The following MGAT4C variants were observed in gnomAD, a reference collection of about 807,000 sequenced individuals.
MGAT4C encodes alpha-1,3-mannosyl-glycoprotein 4-beta-N-acetylglucosaminyltransferase C.
In MGAT4C, 19 loss-of-function variants were observed where a neutral mutation model predicts 40.1. The observed-to-expected ratio is 0.47, with a 90% CI of 0.33 to 0.70. The LOEUF is 0.70. Among genes scored for constraint, MGAT4C ranks in the 30% least tolerant of loss-of-function variants. The probability of loss-of-function intolerance (pLI) is 0.02; values close to 1 mark genes in which losing one functional copy is unlikely to be tolerated. For missense variants in MGAT4C, 491 were observed against 563.2 expected, an observed-to-expected ratio of 0.87 and a Z score of 1.30; for synonymous variants, 181 against 187.1, an observed-to-expected ratio of 0.97 and a Z score of 0.27.
At chr12:86,058,926 T>A (rs1893664375) in intron 1 of MGAT4C, among the ~76,000 whole-genome samples, 1 of 152,206 alleles carries the variant, frequency 6.6e-6, no homozygotes, top group African/African-American at 2.4e-5. Flanking sequence ...ATATGCACAT[T>A]TATTTAGGAA....
chr12:86,051,610 C>G (rs1188885324), intron 1 of MGAT4C, among the ~76,000 whole-genome samples: 1 of 151,148 alleles, frequency 6.6e-6, no homozygotes, highest in East Asian at 1.9e-4. Flanking sequence ...ATTTTGTTAT[C>G]AAATCAAAAT....
At chr12:86,450,687 T>C (rs530145660) in intron 2 of MGAT4C, among the ~76,000 whole-genome samples, 1 of 152,056 alleles carries the variant, frequency 6.6e-6, no homozygotes, top group Non-Finnish European at 1.5e-5. Context: ...TTATGTAACC[T>C]GGTGATCAAG....
chr12:86,194,543 C>T (rs973443677), intron 1 of MGAT4C, among the ~76,000 whole-genome samples: 2 of 151,950 alleles, frequency 1.3e-5, no homozygotes, highest in Admixed American at 6.6e-5. Context: ...CTACCTCCAC[C>T]TCCCAGGTTT....
At position 86,765,683 on chromosome 12, in the gene MGAT4C, C is replaced by G. The variant is rs548870939; in HGVS notation, c.-261-38442G>C. ...AGCGGATCTCTCGGCAGAAACTCTA[C>G]AAGCCAGAAGAGAGTGGGGGCCAAT... is the stretch of plus-strand genomic sequence containing the variant. On this transcript the variant is annotated intron_variant, in intron 1 of 7. Transcript: ENST00000548651. Among the ~76,000 whole-genome samples, 11 of 152,288 alleles carry G rather than the reference C, an allele frequency of 7.2e-5. No individual in the cohort carries two copies. In the East Asian group the frequency reaches 1.2e-3, roughly 16 times the overall value.
chr12:86,531,056 C>T (rs1030043190), intron 2 of MGAT4C, among the ~76,000 whole-genome samples: 19 of 151,980 alleles, frequency 1.3e-4, no homozygotes, highest in African/African-American at 4.6e-4. Context: ...GGGGCATTGG[C>T]CAACTACTCA....
chr12:86,675,918 T>A (rs556850072), intron 2 of MGAT4C, among the ~76,000 whole-genome samples: 1 of 151,770 alleles, frequency 6.6e-6, no homozygotes, highest in Admixed American at 6.6e-5. Flanking sequence ...TCAAATTAGG[T>A]CTTAGTTCTA....
intron 3 of MGAT4C, among the ~76,000 whole-genome samples, chr12:86,385,365 A>T (rs1956031050): frequency 1.3e-5 from 2 of 152,148 alleles, no homozygotes; most frequent in Non-Finnish European, 2.9e-5. Context: ...GTAGCTTTCA[A>T]ATCTACGTAT....
chr12:86,252,328 A>G (rs1952328907), intron 1 of MGAT4C, among the ~76,000 whole-genome samples: 1 of 152,052 alleles, frequency 6.6e-6, no homozygotes, highest in African/African-American at 2.4e-5. Context: ...ACCACAGTAA[A>G]ATATTTTGAG....
intron 1 of MGAT4C, among the ~76,000 whole-genome samples, chr12:86,775,751 T>C (rs1371729864): frequency 4.0e-5 from 6 of 151,718 alleles, no homozygotes; most frequent in Non-Finnish European, 8.8e-5. Context: ...CACAAACTTA[T>C]CATTTGCTAG....
chr12:86,117,391 C>T (rs1878611220), intron 1 of MGAT4C, among the ~76,000 whole-genome samples: 1 of 152,086 alleles, frequency 6.6e-6, no homozygotes, highest in Non-Finnish European at 1.5e-5. Flanking sequence ...AGCACTTTTC[C>T]ATTTCTTATG....
intron 1 of MGAT4C, among the ~76,000 whole-genome samples, chr12:86,165,154 A>G (rs1886049391): frequency 6.6e-6 from 1 of 152,166 alleles, no homozygotes; most frequent in African/African-American, 2.4e-5. Flanking sequence ...GGGGATTTCA[A>G]TGATAACAAC....
intron 1 of MGAT4C, among the ~76,000 whole-genome samples, chr12:86,173,677 G>C (rs1419225052): frequency 6.6e-6 from 1 of 152,020 alleles, no homozygotes; most frequent in African/African-American, 2.4e-5. Context: ...ATTTGATAGG[G>C]AAATATATAG....
At chr12:86,359,255 T>C (rs1417265642) in intron 3 of MGAT4C, among the ~76,000 whole-genome samples, 1 of 152,046 alleles carries the variant, frequency 6.6e-6, no homozygotes, top group Non-Finnish European at 1.5e-5. Flanking sequence ...TGAAGGCAGA[T>C]ATAAACATGT....
chr12:86,663,428 A>G lies in MGAT4C; in HGVS notation c.-229+63781T>C, dbSNP rs185393227. Among the ~76,000 whole-genome samples the G allele has an allele frequency of 3.3e-5, 5 of 152,026 alleles. No homozygotes were observed. The East Asian group carries it at 9.7e-4, about 29-fold the overall frequency. On this transcript the variant is annotated intron_variant, in intron 2 of 7. Coordinates refer to the MGAT4C transcript ENST00000548651. Reference sequence around the variant, plus strand: ...AAAAGTAAAAGAAAGAAAAGAAAGAAAGAAATGAAGGGGAGATGGTAACTC... The same window carrying G: ...AAAAGTAAAAGAAAGAAAAGAAAGAGAGAAATGAAGGGGAGATGGTAACTC...
In MGAT4C at chr12:86,090,481, C is replaced by G. The variant is rs75951609; in HGVS notation, c.-56-40758G>C. Among the ~76,000 whole-genome samples, 913 of 151,706 alleles carry G rather than the reference C, an allele frequency of 6.0e-3. 4 individuals carry two copies. Among genetic ancestry groups the G allele is most frequent in the African/African-American group, 0.021 (869 of 41,454 alleles). ...CATTATGTTGTACCTACTTTTAGCCCTTAAATATGTATGATATATTGGTTG... is the reference window on the plus strand; with the variant it reads ...CATTATGTTGTACCTACTTTTAGCCGTTAAATATGTATGATATATTGGTTG... On this transcript the variant is annotated intron_variant, in intron 1 of 4. Transcript: ENST00000611864.
chr12:86,823,011 T>C (rs1053589094), intron 1 of MGAT4C, among the ~76,000 whole-genome samples: 4 of 150,662 alleles, frequency 2.7e-5, no homozygotes, highest in Admixed American at 2.0e-4. Flanking sequence ...CCCAAATAGG[T>C]AGTAATTGAA....
At chr12:86,345,518 A>G (rs971175407) in intron 3 of MGAT4C, among the ~76,000 whole-genome samples, 3 of 151,696 alleles carry the variant, frequency 2.0e-5, no homozygotes, top group African/African-American at 7.3e-5. Context: ...GAGTGAGAAC[A>G]TGCAGTGTTT....
At chr12:86,627,351 GCTCTGAAGAGA>G (rs1447099069) in intron 2 of MGAT4C, among the ~76,000 whole-genome samples, 1 of 152,168 alleles carries the variant, frequency 6.6e-6, no homozygotes, top group Non-Finnish European at 1.5e-5. Context: ...CTCTCTGACA[GCTCTGAAGAGA>G]GCAGTGGTTC....
At chr12:86,808,611 G>T (rs1242442856) in intron 1 of MGAT4C, among the ~76,000 whole-genome samples, 1 of 151,836 alleles carries the variant, frequency 6.6e-6, no homozygotes, top group African/African-American at 2.4e-5. Flanking sequence ...AATAAACTAG[G>T]TATTTAAGAA....
Sources: gnomAD v4.1 joint callset for allele counts (sites outside exome capture counted in the v4.1 genomes callset) on GRCh38, gnomAD v4.1.1 for gene constraint, MANE v1.5 for transcripts, NCBI Gene and HGNC (gene_info 2026-07-23, HGNC 2026-07-21) for gene names.